NDST3: variants seen among roughly 807,000 people sequenced by gnomAD.
NDST3 encodes N-deacetylase and N-sulfotransferase 3.
In NDST3, 58 loss-of-function variants were observed where a neutral mutation model predicts 96.1. The observed-to-expected ratio is 0.60, with a 90% CI of 0.49 to 0.75. NDST3 has a LOEUF of 0.75. Among genes scored for constraint, NDST3 ranks in the 30% least tolerant of loss-of-function variants. NDST3 has a pLI of 0.00. For synonymous variants in NDST3, 333 were observed against 359.7 expected (o/e 0.93, Z 0.84); for missense variants, 788 against 1,034.2 (o/e 0.76, Z 3.27).
intron 6 of NDST3, among the ~76,000 whole-genome samples, chr4:118,184,645 A>ACACAC (rs1201873615): frequency 2.0e-5 from 3 of 149,828 alleles, no homozygotes; most frequent in Non-Finnish European, 1.5e-5. Context: ...ACACACACAT[A>ACACAC]TTCTCTGTCT....
intron 6 of NDST3, among the ~76,000 whole-genome samples, chr4:118,222,410 G>T (rs1210840924): frequency 6.6e-6 from 1 of 151,602 alleles, no homozygotes; most frequent in Non-Finnish European, 1.5e-5. Context: ...AAAAAAAAAA[G>T]TTCAAAAAGA....
intron 6 of NDST3, chr4:118,194,107 A>T: frequency 5.2e-6 from 7 of 1,338,300 alleles, no homozygotes; most frequent in Non-Finnish European, 7.4e-6. Flanking sequence ...TGCCAAAAGC[A>T]TAGCTGGGTT....
At chr4:118,249,549 G>T (rs1248529740) in intron 12 of NDST3, among the ~76,000 whole-genome samples, 1 of 152,098 alleles carries the variant, frequency 6.6e-6, no homozygotes, top group Non-Finnish European at 1.5e-5. Flanking sequence ...ATAAAATGTT[G>T]TGTCCTGATC....
chr4:118,140,642 G>T (rs1038309034), intron 5 of NDST3, among the ~76,000 whole-genome samples: 1 of 152,154 alleles, frequency 6.6e-6, no homozygotes, highest in African/African-American at 2.4e-5. Context: ...CAGCATGGCT[G>T]GGGAGACCTC....
chr4:118,193,321 A>T, intron 6 of NDST3: 1 of 408,330 alleles, frequency 2.4e-6, no homozygotes. Context: ...TTCACTCAAA[A>T]TTCTTCAGTT....
At chr4:118,092,380 A>C (rs1560636567) in intron 2 of NDST3, among the ~76,000 whole-genome samples, 1 of 151,768 alleles carries the variant, frequency 6.6e-6, no homozygotes, top group Non-Finnish European at 1.5e-5. Context: ...TCCAATTAGA[A>C]TATTGTCAGA....
rs746762605 is a variant in NDST3 at position 118,256,519 on chromosome 4, G to A, written c.*807G>A. The A allele has an allele frequency of 6.6e-6, 1 of 152,190 alleles. No homozygotes were observed. The highest frequency in any genetic ancestry group is 6.5e-5 in the Admixed American group (1 of 15,272). The allele number at this position is 152,190 out of a possible 1,614,324, so 9.4% of individuals were successfully genotyped here. ...CTGAATCCTCTAAAAGGGAGAAATT[G>A]TAGGGGTCTAAAAACATATCATCGA... On this transcript the variant is annotated 3_prime_UTR_variant, in exon 14 of 14. Coordinates refer to ENST00000296499, the MANE Select transcript of NDST3 (RefSeq NM_004784.3).
chr4:118,238,600 T>G (rs1349483066), intron 10 of NDST3, among the ~76,000 whole-genome samples: 1 of 152,234 alleles, frequency 6.6e-6, no homozygotes, highest in Non-Finnish European at 1.5e-5. Context: ...GCTTTCCTAC[T>G]GTTCATGTGT....
At chr4:118,221,320 A>C (rs1739527096) in intron 6 of NDST3, among the ~76,000 whole-genome samples, 1 of 152,094 alleles carries the variant, frequency 6.6e-6, no homozygotes, top group Non-Finnish European at 1.5e-5. Flanking sequence ...AATGAAGCAG[A>C]GCATCTGGCA....
At chr4:118,126,015 T>C (rs2125880917) in intron 4 of NDST3, among the ~76,000 whole-genome samples, 1 of 152,148 alleles carries the variant, frequency 6.6e-6, no homozygotes, top group African/African-American at 2.4e-5. Flanking sequence ...CTTCCAGTGA[T>C]TGCGGCTACT....
chr4:118,200,956 G>A (rs1244559954), intron 6 of NDST3, among the ~76,000 whole-genome samples: 1 of 152,082 alleles, frequency 6.6e-6, no homozygotes, highest in Non-Finnish European at 1.5e-5. Flanking sequence ...AGCTCGAGTA[G>A]TCCACAGTGT....
intron 2 of NDST3, among the ~76,000 whole-genome samples, chr4:118,094,269 A>G (rs1312470245): frequency 2.6e-5 from 4 of 151,660 alleles, no homozygotes; most frequent in Non-Finnish European, 5.9e-5. Flanking sequence ...TGTTAGGCAC[A>G]GTATACAATT....
rs114114299 is a variant in NDST3, at chr4:118,050,855, A to G, written c.-155-2901A>G. Among the ~76,000 whole-genome samples, 266 of 152,056 alleles carry G rather than the reference A, an allele frequency of 1.7e-3. 2 individuals carry two copies. Among genetic ancestry groups the G allele is most frequent in the African/African-American group, 6.1e-3 (253 of 41,544 alleles). ...CATATTACAAATGCTATTTTTAAATAAATATAAAAAAACTGTTCTAAAATT... is the reference window on the plus strand; with the variant it reads ...CATATTACAAATGCTATTTTTAAATGAATATAAAAAAACTGTTCTAAAATT... On this transcript the variant is annotated intron_variant, in intron 1 of 13. Coordinates refer to ENST00000296499, the MANE Select transcript of NDST3 (RefSeq NM_004784.3).
chr4:118,088,896 T>C (rs1024928540), intron 2 of NDST3, among the ~76,000 whole-genome samples: 8 of 151,962 alleles, frequency 5.3e-5, no homozygotes, highest in African/African-American at 1.9e-4. Flanking sequence ...GCCTCTATTA[T>C]GATATTATCA....
intron 6 of NDST3, among the ~76,000 whole-genome samples, chr4:118,178,613 G>A (rs760407732): frequency 2.0e-5 from 3 of 151,960 alleles, no homozygotes; most frequent in Non-Finnish European, 4.4e-5. Flanking sequence ...TCCACCTTGT[G>A]GCCATTGTGA....
intron 6 of NDST3, among the ~76,000 whole-genome samples, chr4:118,212,875 C>T (rs1477084583): frequency 1.3e-5 from 2 of 152,162 alleles, no homozygotes; most frequent in Non-Finnish European, 2.9e-5. Flanking sequence ...TACCCAATCT[C>T]AGGTAACATG....
At chr4:118,125,915 T>C (rs763877983) in intron 4 of NDST3, among the ~76,000 whole-genome samples, 60 of 152,022 alleles carry the variant, frequency 3.9e-4, no homozygotes, top group Non-Finnish European at 7.9e-4. Context: ...CCTTATTTTG[T>C]TGTAGGCTAA....
chr4:118,097,440 T>C (rs552138237), intron 2 of NDST3, among the ~76,000 whole-genome samples: 1 of 151,874 alleles, frequency 6.6e-6, no homozygotes, highest in Non-Finnish European at 1.5e-5. Context: ...AATAAATAAA[T>C]TAGAAACTAC....
At chr4:118,066,198 ATATT>A (rs1726365379) in intron 2 of NDST3, among the ~76,000 whole-genome samples, 1 of 69,728 alleles carries the variant, frequency 1.4e-5, no homozygotes, top group Non-Finnish European at 2.5e-5. Context: ...CTTATATATT[ATATT>A]TTATATATTA....
Sources: allele counts gnomAD v4.1 joint callset (sites outside exome capture counted in the v4.1 genomes callset), GRCh38; gene constraint gnomAD v4.1.1; transcripts MANE v1.5; gene names NCBI Gene and HGNC (gene_info 2026-07-23, HGNC 2026-07-21).